Variants in PRIMA1 observed in about 807,000 individuals in gnomAD.
PRIMA1 encodes the protein proline rich membrane anchor 1, also known as proline-rich membrane anchor 1.
A neutral mutation model predicts 17.5 loss-of-function variants in PRIMA1; 7 were observed. The ratio of observed to expected loss-of-function variants is 0.40; its 90% CI spans 0.23 to 0.75. The LOEUF (loss-of-function observed/expected upper bound fraction) is 0.75, where lower values mean the gene tolerates loss of function less well. PRIMA1 is among the 30% of genes least tolerant of loss of function. The pLI is 0.37. For synonymous variants in PRIMA1, 97 were observed against 77.9 expected, an observed-to-expected ratio of 1.25 and a Z score of -1.29; for missense variants, 200 against 201.8, an observed-to-expected ratio of 0.99 and a Z score of 0.05.
intron 4 of PRIMA1, among the ~76,000 whole-genome samples, chr14:93,735,763 C>T (rs1192808918): frequency 6.7e-6 from 1 of 149,206 alleles, no homozygotes; most frequent in Non-Finnish European, 1.5e-5. Context: ...GTGCTCTCAG[C>T]GCACTGCAAC....
At chr14:93,763,947 A>T (rs1480124986) in intron 3 of PRIMA1, among the ~76,000 whole-genome samples, 3 of 151,770 alleles carry the variant, frequency 2.0e-5, no homozygotes, top group East Asian at 1.9e-4. Flanking sequence ...CACCTCCAAC[A>T]CCTTGTGTCA....
chr14:93,748,448 C>T (rs2141170438), intron 3 of PRIMA1, among the ~76,000 whole-genome samples: 1 of 152,282 alleles, frequency 6.6e-6, no homozygotes, highest in Admixed American at 6.5e-5. Flanking sequence ...GATAGGGCCA[C>T]CCTGGGCATC....
At chr14:93,737,482 G>A (rs2076157595) in intron 3 of PRIMA1, 112 bp from the exon 4 acceptor site, 3 of 1,310,592 alleles carry the variant, frequency 2.3e-6, no homozygotes, top group East Asian at 2.5e-5. Context: ...GGTCACTGGT[G>A]GGACCATCAT....
intron 3 of PRIMA1, among the ~76,000 whole-genome samples, chr14:93,747,056 G>A (rs2076222884): frequency 6.6e-6 from 1 of 152,204 alleles, no homozygotes; most frequent in African/African-American, 2.4e-5. Context: ...GCATTTGGCA[G>A]TGGCCAGCAC....
At chr14:93,767,852 C>T (rs895798748) in intron 3 of PRIMA1, among the ~76,000 whole-genome samples, 29 of 152,158 alleles carry the variant, frequency 1.9e-4, no homozygotes, top group African/African-American at 7.0e-4. Flanking sequence ...TGCTCACCTG[C>T]CTCTGAACAC....
At chr14:93,774,939 C>T (rs1030590580) in intron 3 of PRIMA1, among the ~76,000 whole-genome samples, 2 of 152,142 alleles carry the variant, frequency 1.3e-5, no homozygotes, top group African/African-American at 4.8e-5. Flanking sequence ...CTTAAAATCA[C>T]GAAGAGGAAA....
rs985638710 is a variant in PRIMA1 at position 93,719,333 on chromosome 14, G to C, written c.*2111C>G. The C allele has an allele frequency of 2.0e-5, 3 of 152,240 alleles. No homozygotes were observed. The highest frequency in any genetic ancestry group is 6.5e-5 in the Admixed American group (1 of 15,288). The allele number at this position is 152,240 out of a possible 1,614,324, so 9.4% of individuals were successfully genotyped here. A position where few individuals can be genotyped will look rare whatever the true frequency, so the allele number is the denominator to read the frequency against. ...GGCCTCCTAGGTTTAAGCCAAGGTA[G>C]GGAATGATGGGACCAGGCGAGTGTG... On this transcript the variant is annotated 3_prime_UTR_variant, in exon 5 of 5. Coordinates refer to ENST00000393140, the MANE Select transcript of PRIMA1 (RefSeq NM_178013.4).
At position 93,758,545 on chromosome 14, in the gene PRIMA1, G is replaced by A. The variant is rs890638315; in HGVS notation, c.229+20631C>T. On this transcript the variant is annotated intron_variant, in intron 3 of 4. Transcript: ENST00000393140. ...ACCTGGGAGGTGGAGGTTGCAGTGA[G>A]CCAAGATTGCACCACTGCACTCCAG... 2.1e-5 allele frequency among the ~76,000 whole-genome samples: 3 copies of A among 142,186 alleles called. No homozygotes were observed. The South Asian group carries it at 6.5e-4, about 31-fold the overall frequency. The allele number at this position is 142,186 out of a possible 152,430, so 93.3% of individuals were successfully genotyped here. A position where few individuals can be genotyped will look rare whatever the true frequency, so the allele number is the denominator to read the frequency against.
At chr14:93,768,034 C>A (rs934537484) in intron 3 of PRIMA1, among the ~76,000 whole-genome samples, 1 of 152,066 alleles carries the variant, frequency 6.6e-6, no homozygotes, top group African/African-American at 2.4e-5. Flanking sequence ...CTTTTACATT[C>A]TATGTTTTTA....
intron 2 of PRIMA1, among the ~76,000 whole-genome samples, chr14:93,782,389 C>T (rs913854294): frequency 1.3e-5 from 2 of 152,186 alleles, no homozygotes; most frequent in African/African-American, 2.4e-5. Flanking sequence ...GAGACTGAGG[C>T]GGGCGGATCA....
chr14:93,726,853 A>G lies in PRIMA1; in HGVS notation c.360-5307T>C, dbSNP rs1444530470. 6.6e-6 allele frequency among the ~76,000 whole-genome samples: 1 copy of G among 152,164 alleles called. No homozygotes were observed. The highest frequency in any genetic ancestry group is 1.5e-5 in the Non-Finnish European group (1 of 68,018). On this transcript the variant is annotated intron_variant, in intron 4 of 4. Coordinates refer to ENST00000393140, the MANE Select transcript of PRIMA1 (RefSeq NM_178013.4). The surrounding 1 kb of genome is among the most constrained non-coding windows in gnomAD (Gnocchi z 4.2). Reference sequence around the variant, plus strand: ...CATACACACATGTCCCTACACACATATGCACACATACACATATGTGCACAT... The same window carrying G: ...CATACACACATGTCCCTACACACATGTGCACACATACACATATGTGCACAT...
At chr14:93,722,514 C>T (rs2076046147) in intron 4 of PRIMA1, among the ~76,000 whole-genome samples, 1 of 148,778 alleles carries the variant, frequency 6.7e-6, no homozygotes, top group Non-Finnish European at 1.5e-5. Context: ...GGTGATGGTT[C>T]GGTTGACAAT....
intron 3 of PRIMA1, among the ~76,000 whole-genome samples, chr14:93,748,399 G>C (rs1004173947): frequency 2.6e-5 from 4 of 152,170 alleles, no homozygotes; most frequent in Non-Finnish European, 1.5e-5. Context: ...GAGACGCTTT[G>C]GGGGACTGGA....
chr14:93,747,875 T>C (rs1033558211), intron 3 of PRIMA1, among the ~76,000 whole-genome samples: 1 of 145,824 alleles, frequency 6.9e-6, no homozygotes, highest in Non-Finnish European at 1.5e-5. Context: ...GAGTGGGGAC[T>C]GAGTGGGAGA....
At chr14:93,746,755 G>C (rs1367692145) in intron 3 of PRIMA1, among the ~76,000 whole-genome samples, 1 of 152,184 alleles carries the variant, frequency 6.6e-6, no homozygotes, top group East Asian at 1.9e-4. Context: ...GTTCTCCGCA[G>C]AGGCGGTGAG....
intron 3 of PRIMA1, among the ~76,000 whole-genome samples, chr14:93,748,102 A>C (rs1407999000): frequency 6.6e-6 from 1 of 151,426 alleles, no homozygotes; most frequent in Non-Finnish European, 1.5e-5. Context: ...GAGTGTGTGA[A>C]TGTGTATGTG....
intron 3 of PRIMA1, among the ~76,000 whole-genome samples, chr14:93,763,175 T>G (rs12184978): frequency 0.59 from 89,147 of 152,022 alleles, 27,587 homozygotes; most frequent in African/African-American, 0.81. Context: ...AGGCTCCTAG[T>G]ATACAGAAAT....
rs115600048 is a variant in PRIMA1, at chr14:93,731,373, A to C, written c.359+5868T>G. On this transcript the variant is annotated intron_variant, in intron 4 of 4. Transcript: ENST00000393140. ...CATCAGAAGAAACAGCTAACTGTTGAAAGTGGTTGCCTCTCAAGAATGTGA... is the reference window on the plus strand; with the variant it reads ...CATCAGAAGAAACAGCTAACTGTTGCAAGTGGTTGCCTCTCAAGAATGTGA... Among the ~76,000 whole-genome samples the C allele has an allele frequency of 7.8e-3, 1,186 of 152,356 alleles. 17 individuals carry two copies. Among genetic ancestry groups the C allele is most frequent in the African/African-American group, 0.027 (1,135 of 41,564 alleles).
chr14:93,746,868 G>T (rs1406485168), intron 3 of PRIMA1, among the ~76,000 whole-genome samples: 2 of 152,144 alleles, frequency 1.3e-5, no homozygotes, highest in Non-Finnish European at 2.9e-5. Context: ...AGGGTTTGGG[G>T]CTGTGCTTGT....
Sources: gnomAD v4.1 joint callset for allele counts (sites outside exome capture counted in the v4.1 genomes callset) on GRCh38, gnomAD v4.1.1 for gene constraint, Gnocchi (gnomAD v3.1) non-coding constraint, MANE v1.5 for transcripts, NCBI Gene and HGNC (gene_info 2026-07-23, HGNC 2026-07-21) for gene names.